The following ARHGEF40 variants were observed in gnomAD, a reference collection of about 807,000 sequenced individuals.
ARHGEF40 encodes the protein Rho guanine nucleotide exchange factor (GEF) 40.
Under a neutral mutation model 165.9 loss-of-function variants are expected in ARHGEF40, and 98 were observed. That is an observed-to-expected ratio of 0.59 (90% CI 0.50 to 0.70). ARHGEF40 has a LOEUF of 0.70. ARHGEF40 is among the 30% of genes least tolerant of loss of function. The pLI is 0.00. For missense variants in ARHGEF40, 1,815 were observed against 1,968.0 expected, an observed-to-expected ratio of 0.92 and a Z score of 1.47; for synonymous variants, 792 against 814.3, an observed-to-expected ratio of 0.97 and a Z score of 0.47.
chr14:21,078,578 CT>C lies in ARHGEF40; in HGVS notation c.2246+92del, dbSNP rs1443114353. ...AACAAACCTTAGCTGCCAGACCATTCTTACTGTGCATGTATCTGGGCAAGAT... is the reference window on the plus strand; with the variant it reads ...AACAAACCTTAGCTGCCAGACCATTCTACTGTGCATGTATCTGGGCAAGAT... On this transcript the variant is annotated intron_variant, in intron 10 of 23. Coordinates refer to ENST00000298694, the MANE Select transcript of ARHGEF40 (RefSeq NM_018071.5). The C allele has an allele frequency of 6.9e-6, 9 of 1,311,256 alleles. No individual in the cohort carries two copies. The African/African-American group carries it at 1.3e-4, about 19-fold the overall frequency. 81.2% of individuals were successfully genotyped at this position (1,311,256 alleles called of 1,614,324 possible).
intron 11 of ARHGEF40, among the ~76,000 whole-genome samples, chr14:21,080,250 C>A (rs76078021): frequency 7.3e-5 from 10 of 137,396 alleles, no homozygotes; most frequent in African/African-American, 2.9e-4. Flanking sequence ...ACACACACAC[C>A]CCTTCTGTAC....
Position 21,074,921 on chromosome 14 carries a change from T to G in ARHGEF40, c.1191T>G (p.Ser397Arg), listed in dbSNP as rs1464262494. The G allele has an allele frequency of 1.2e-6, 2 of 1,607,892 alleles. No homozygotes were observed. The highest frequency in any genetic ancestry group is 8.5e-7 in the Non-Finnish European group (1 of 1,177,692). Residue 397 changes from serine to arginine, a missense_variant, in exon 3 of 24, where the codon AGT (serine) becomes AGG (arginine). Ser to Arg is a moderately radical substitution (Grantham distance 110). Transcript: ENST00000298694. The surrounding 1 kb of genome is among the most constrained non-coding windows in gnomAD (Gnocchi z 4.8). The part of the protein sequence containing the change: ...GRGALSRGGD[S>R]APLSPGDKED... ...GGGCTCTTAGCCGAGGAGGGGACAG[T>G]GCCCCACTGAGCCCTGGGGACAAGG...
Position 21,076,694 on chromosome 14 carries a change from G to A in ARHGEF40, c.1917+51G>A, listed in dbSNP as rs1046994799. 3.1e-6 allele frequency: 5 copies of A among 1,608,194 alleles called. No individual in the cohort carries two copies. In the African/African-American group the frequency reaches 6.7e-5, roughly 22 times the overall value. ...TTTCCCATCAGTAGTGGGGAGAGGAGAAGAGGCTGGCTGGAGCCCCAGGCT... is the reference window on the plus strand; with the variant it reads ...TTTCCCATCAGTAGTGGGGAGAGGAAAAGAGGCTGGCTGGAGCCCCAGGCT... On this transcript the variant is annotated intron_variant, in intron 7 of 23. Coordinates refer to ENST00000298694, the MANE Select transcript of ARHGEF40 (RefSeq NM_018071.5).
rs1174323422 is a variant in ARHGEF40 at position 21,082,062 on chromosome 14, G to A, written c.3194G>A (p.Gly1065Glu). The change falls in exon 14 of 24, where the codon GGG becomes GAG. Residue 1065 changes from glycine (G) to glutamate (E), a missense_variant. By Grantham distance (98) the Gly-to-Glu change is moderately conservative (BLOSUM62 -2). Coordinates refer to ENST00000298694, the MANE Select transcript of ARHGEF40 (RefSeq NM_018071.5). ...CACGTGCTGCTGGGCCGGGCTAGGGGGCCAGACGGACCCTGGGGAGTAGGC... is the reference window on the plus strand; with the variant it reads ...CACGTGCTGCTGGGCCGGGCTAGGGAGCCAGACGGACCCTGGGGAGTAGGC... ...REHVLLGRAR[G>E]PDGPWGVGTP... 8 of 1,560,134 alleles carry A rather than the reference G, an allele frequency of 5.1e-6. No homozygotes were observed. The Admixed American group carries it at 9.6e-5, about 19-fold the overall frequency.
rs775285743 is a variant in ARHGEF40, at chr14:21,081,827, C to A, written c.2959C>A (p.Pro987Thr). ...GAQWGPRSPS[P>T]SLSSLLLPSS... is the part of the protein sequence containing the mutation. ...CCAGTGGGGGCCCCGCAGCCCCTCG[C>A]CCAGCCTCAGCTCCTTGCTGCTCCC... The change falls in exon 14 of 24, where the codon CCC becomes ACC. Residue 987 changes from proline (P) to threonine (T), a missense_variant. Coordinates refer to ENST00000298694, the MANE Select transcript of ARHGEF40 (RefSeq NM_018071.5). The A allele has an allele frequency of 4.1e-5, 66 of 1,608,280 alleles. No individual in the cohort carries two copies. Among genetic ancestry groups the A allele is most frequent in the Non-Finnish European group, 5.4e-5 (64 of 1,178,100 alleles).
rs1184624631 is a variant in ARHGEF40 at position 21,075,990 on chromosome 14, C to G, written c.1739+225C>G. Among the ~76,000 whole-genome samples, 2 of 152,202 alleles carry G rather than the reference C, an allele frequency of 1.3e-5. No homozygotes were observed. The highest frequency in any genetic ancestry group is 4.8e-5 in the African/African-American group (2 of 41,424). On this transcript the variant is annotated intron_variant, in intron 5 of 23. Coordinates refer to ENST00000298694, the MANE Select transcript of ARHGEF40 (RefSeq NM_018071.5). This position sits in a 1 kb window ranked among gnomAD's most constrained non-coding sequence, Gnocchi z 4.5. The stretch of plus-strand genomic sequence containing the variant: ...CTGTTGACTTTCACTCTCTTCCAAC[C>G]CTACCAAGATCATCAGGACATTGGT...
Position 21,075,382 on chromosome 14 carries a change from GA to G in ARHGEF40, c.1502del (p.Glu501GlyfsTer26). 2 of 1,614,192 alleles carry G rather than the reference GA, an allele frequency of 1.2e-6. No individual in the cohort carries two copies. The highest frequency in any genetic ancestry group is 1.7e-6 in the Non-Finnish European group (2 of 1,180,038). The part of the protein sequence containing the change: ...PLSDTPTPPL[E>X]TVQEGKGDNI... ...GTCTGACACTCCAACACCTCCGCTGGAGACTGTGCAGGAAGGAAAAGGGGAC... is the reference window on the plus strand; with the variant it reads ...GTCTGACACTCCAACACCTCCGCTGGGACTGTGCAGGAAGGAAAAGGGGAC... On this transcript the variant is annotated frameshift_variant, in exon 4 of 24. Transcript: ENST00000298694. LOFTEE classifies it high-confidence loss of function. The surrounding 1 kb of genome is among the most constrained non-coding windows in gnomAD (Gnocchi z 4.5).
Position 21,078,449 on chromosome 14 carries a change from G to A in ARHGEF40, c.2207G>A (p.Gly736Glu). ...CTGACGGCACTGCAGAGGGATGGGG[G>A]GGCCATCCTGATGAGGCTGCGCTCC... ...PRLTALQRDG[G>E]AILMRLRSTP... The change falls in exon 10 of 24, where the codon GGG (glycine) becomes GAG (glutamate). Residue 736 changes from glycine (G) to glutamate (E), a missense_variant. Coordinates refer to ENST00000298694, the MANE Select transcript of ARHGEF40 (RefSeq NM_018071.5). 1 of 1,609,560 alleles carries A rather than the reference G, an allele frequency of 6.2e-7. No homozygotes were observed. The highest frequency in any genetic ancestry group is 8.5e-7 in the Non-Finnish European group (1 of 1,177,220).
Position 21,090,165 on chromosome 14 carries a change from C to T in ARHGEF40, c.*1157C>T, listed in dbSNP as rs1227247160. 2 of 507,876 alleles carry T rather than the reference C, an allele frequency of 3.9e-6. No individual in the cohort carries two copies. The highest frequency in any genetic ancestry group is 5.2e-5 in the East Asian group (1 of 19,284). 31.5% of individuals were successfully genotyped at this position (507,876 alleles called of 1,614,324 possible). On this transcript the variant is annotated 3_prime_UTR_variant, in exon 24 of 24. Transcript: ENST00000298694. This position sits in a 1 kb window ranked among gnomAD's most constrained non-coding sequence, Gnocchi z 4.4. ...ACCAAAAATAGCGACGTCTACAGGG[C>T]CCCTGATGGGGCTAGAAGGGTACAG...
Position 21,075,803 on chromosome 14 carries a change from C to G in ARHGEF40, c.1739+38C>G, listed in dbSNP as rs778056778. The G allele has an allele frequency of 9.4e-6, 15 of 1,597,540 alleles. No individual in the cohort carries two copies. The highest frequency in any genetic ancestry group is 1.9e-4 in the Middle Eastern group (1 of 5,140). On this transcript the variant is annotated intron_variant, in intron 5 of 23. Transcript: ENST00000298694. This position sits in a 1 kb window ranked among gnomAD's most constrained non-coding sequence, Gnocchi z 4.5. ...CAGTCCTGGCACCCTGGACACTAAC[C>G]TCCTGATTCATGAGGACCCTCACCT...
At position 21,084,067 on chromosome 14, in the gene ARHGEF40, A is replaced by G; in HGVS notation, c.3789+17A>G. 2 of 1,586,078 alleles carry G rather than the reference A, an allele frequency of 1.3e-6. No homozygotes were observed. The highest frequency in any genetic ancestry group is 1.7e-6 in the Non-Finnish European group (2 of 1,166,100). On this transcript the variant is annotated intron_variant, in intron 17 of 23. Coordinates refer to ENST00000298694, the MANE Select transcript of ARHGEF40 (RefSeq NM_018071.5). ...GGCTGTGAGGTGAGGCCCTAGCTCC[A>G]GTCACTGCTGCTCAAACTGCCCAGC... is the stretch of plus-strand genomic sequence containing the variant.
At chr14:21,065,179 A>C in the ARHGEF40 span, among the ~76,000 whole-genome samples, 5 of 151,976 alleles carry the variant, frequency 3.3e-5, no homozygotes, top group East Asian at 5.8e-4. Context: ...CAAAAAAAAA[A>C]AAACAAACAA....
chr14:21,064,833 A>G, the ARHGEF40 span, among the ~76,000 whole-genome samples: 57 of 152,282 alleles, frequency 3.7e-4, no homozygotes, highest in South Asian at 2.1e-4. Flanking sequence ...TTCTACTACA[A>G]TAAGCCTACA....
At chr14:21,088,165 G>C in intron 22 of ARHGEF40, 67 bp downstream of exon 22, 1 of 1,530,588 alleles carries the variant, frequency 6.5e-7, no homozygotes. Flanking sequence ...GGGCTTTTCT[G>C]ATCATTCAAC....
intron 19 of ARHGEF40, 76 bp from the exon 20 acceptor site, chr14:21,086,923 GAA>G (rs368412024): frequency 0.011 from 11,588 of 1,032,832 alleles, 272 homozygotes; most frequent in Middle Eastern, 0.019. Flanking sequence ...AAAAAAAAAA[GAA>G]AAAAATCAAC....
rs780632237 is a variant in ARHGEF40 at position 21,082,473 on chromosome 14, C to T, written c.3481C>T (p.Arg1161Cys). ...CCTACGCATTGGGGCCTGCTTCCTT[C>T]GCCACGTGAGTGATCCCCTCAACTT... ...HPLRIGACFL[R>C]HGDQFSLYAQ... is the part of the protein sequence containing the mutation. The change falls in exon 15 of 24, where the codon CGC becomes TGC. Residue 1161 changes from arginine to cysteine, a missense_variant. Transcript: ENST00000298694. 1.7e-5 allele frequency: 27 copies of T among 1,582,014 alleles called. No homozygotes were observed. The highest frequency in any genetic ancestry group is 2.2e-5 in the Non-Finnish European group (26 of 1,161,882).
At chr14:21,077,279 A>ATTTTT (rs143561266) in intron 8 of ARHGEF40, among the ~76,000 whole-genome samples, 169 of 108,428 alleles carry the variant, frequency 1.6e-3, no homozygotes, top group Non-Finnish European at 2.2e-3. Context: ...TAGTTTTTGT[A>ATTTTT]TTTTTTTTTT....
chr14:21,081,226 C>CT (rs1217372217), intron 13 of ARHGEF40: 1 of 866,748 alleles, frequency 1.2e-6, no homozygotes. Flanking sequence ...CACAGGGCTG[C>CT]TGTGGGGATT....
the ARHGEF40 span, among the ~76,000 whole-genome samples, chr14:21,061,465 G>T: frequency 6.6e-6 from 1 of 152,138 alleles, no homozygotes; most frequent in African/African-American, 2.4e-5. Flanking sequence ...TGTAAAACTG[G>T]CCCACTCTGA....
Sources: gnomAD v4.1 joint callset for allele counts (sites outside exome capture counted in the v4.1 genomes callset) on GRCh38, gnomAD v4.1.1 for gene constraint, Gnocchi (gnomAD v3.1) non-coding constraint, MANE v1.5 for transcripts, NCBI Gene and HGNC (gene_info 2026-07-23, HGNC 2026-07-21) for gene names.